Variants in TMEM222 observed in about 807,000 individuals in gnomAD.
TMEM222 encodes transmembrane protein 222.
A neutral mutation model predicts 25.1 loss-of-function variants in TMEM222; 18 were observed. The ratio of observed to expected loss-of-function variants is 0.72; its 90% CI spans 0.50 to 1.06. TMEM222 has a LOEUF of 1.06. Ranked by LOEUF, TMEM222 falls within the 50% of genes least tolerant of loss-of-function variation. TMEM222 has a pLI of 0.00. For synonymous variants in TMEM222, 131 were observed against 117.9 expected, an observed-to-expected ratio of 1.11 and a Z score of -0.72; for missense variants, 296 against 293.7, an observed-to-expected ratio of 1.01 and a Z score of -0.06.
At chr1:27,324,567 G>C (rs2014294028) in intron 1 of TMEM222, among the ~76,000 whole-genome samples, 1 of 152,222 alleles carries the variant, frequency 6.6e-6, no homozygotes, top group Non-Finnish European at 1.5e-5. Context: ...ATAAGACCAA[G>C]ATGAATAAGA....
rs936459253 is a variant in TMEM222 at position 27,335,385 on chromosome 1, G to A, written c.546G>A (p.Gly182=). ...CLLYGKYVSV[G]AFVKTWLPFI... ...GCTCCTTTCTCTCTGTCAGCGTTGG[G>A]GCCTTCGTGAAGACCTGGCTGCCCT... is the stretch of plus-strand genomic sequence containing the variant. The change falls in exon 6 of 6, where the codon GGG becomes GGA. Residue 182 remains glycine, a synonymous_variant. Coordinates refer to ENST00000374076, the MANE Select transcript of TMEM222 (RefSeq NM_032125.3). 2 of 1,614,074 alleles carry A rather than the reference G, an allele frequency of 1.2e-6. No individual in the cohort carries two copies. The highest frequency in any genetic ancestry group is 1.7e-6 in the Non-Finnish European group (2 of 1,180,040).
Position 27,335,741 on chromosome 1 carries a change from C to G in TMEM222, c.*275C>G, listed in dbSNP as rs1244014476. 5 of 515,224 alleles carry G rather than the reference C, an allele frequency of 9.7e-6. No individual in the cohort carries two copies. Among genetic ancestry groups the G allele is most frequent in the Non-Finnish European group, 1.8e-5 (5 of 284,724 alleles). 31.9% of individuals were successfully genotyped at this position (515,224 alleles called of 1,614,324 possible). ...TTCTTCTGTTGAAAGGCTTTGGCTT[C>G]CCGCTGTAGAGCTGCTCCCGCCACC... On this transcript the variant is annotated 3_prime_UTR_variant, in exon 6 of 6. Transcript: ENST00000374076.
rs2014220108 is a variant in TMEM222, at chr1:27,322,295, A to C, written c.98A>C (p.Asp33Ala). 1 of 1,563,722 alleles carries C rather than the reference A, an allele frequency of 6.4e-7. No homozygotes were observed. The highest frequency in any genetic ancestry group is 1.2e-5 in the South Asian group (1 of 85,254). The change falls in exon 1 of 6, where the codon GAC (aspartate) becomes GCC (alanine). Residue 33 changes from aspartate (D) to alanine (A), a missense_variant. Physicochemically the swap from Asp to Ala is moderately radical, Grantham distance 126. Coordinates refer to ENST00000374076, the MANE Select transcript of TMEM222 (RefSeq NM_032125.3). ...EVEAPTAAET[D>A]MKQYQGSGGV... Reference sequence around the variant, plus strand: ...GAGGCGCCGACGGCGGCCGAGACGGACATGAAGCAATATCAAGGCTCCGGC... The same window carrying C: ...GAGGCGCCGACGGCGGCCGAGACGGCCATGAAGCAATATCAAGGCTCCGGC...
Position 27,330,759 on chromosome 1 carries a change from A to G in TMEM222, c.234A>G (p.Thr78=). ...TCATCGGCCACATGGGCATCTGCAC[A>G]TCCACAGGAGTCATTCGGGACTTCG... is the stretch of plus-strand genomic sequence containing the variant. ...FPIIGHMGIC[T]STGVIRDFAG... The change falls in exon 2 of 6, where the codon ACA becomes ACG. Residue 78 remains threonine, a synonymous_variant. Coordinates refer to ENST00000374076, the MANE Select transcript of TMEM222 (RefSeq NM_032125.3). 2 of 1,614,098 alleles carry G rather than the reference A, an allele frequency of 1.2e-6. No individual in the cohort carries two copies. The highest frequency in any genetic ancestry group is 1.7e-6 in the Non-Finnish European group (2 of 1,180,004).
chr1:27,332,650 C>T (rs2148017852), intron 3 of TMEM222: 1 of 647,904 alleles, frequency 1.5e-6, no homozygotes, highest in Admixed American at 2.2e-5. Flanking sequence ...GTGAGAGTGC[C>T]TCAGTCATCA....
At chr1:27,325,683 G>T (rs575128096) in intron 1 of TMEM222, 4 of 833,350 alleles carry the variant, frequency 4.8e-6, no homozygotes, top group Admixed American at 3.4e-5. Context: ...CAAGTACTCT[G>T]TGTGGATCAG....
At chr1:27,333,393 T>C (rs1490450987) in intron 3 of TMEM222, 2 of 471,122 alleles carry the variant, frequency 4.2e-6, no homozygotes. Context: ...TCACACCCCA[T>C]CTTAGTCCGT....
intron 1 of TMEM222, among the ~76,000 whole-genome samples, chr1:27,324,185 GT>G (rs970676124): frequency 2.5e-4 from 38 of 152,116 alleles, no homozygotes; most frequent in Non-Finnish European, 4.0e-4. Context: ...ATTAGCCGGG[GT>G]GGTGGCACAT....
intron 1 of TMEM222, among the ~76,000 whole-genome samples, chr1:27,322,786 C>T (rs950364971): frequency 2.0e-5 from 3 of 152,164 alleles, no homozygotes; most frequent in African/African-American, 7.2e-5. Context: ...ACTGCTGGGT[C>T]TGGGAGCAAG....
intron 1 of TMEM222, among the ~76,000 whole-genome samples, chr1:27,326,890 G>A (rs2014364897): frequency 1.3e-5 from 2 of 152,062 alleles, no homozygotes; most frequent in Non-Finnish European, 2.9e-5. Context: ...AAACCACTTT[G>A]AGGGTTTCTT....
chr1:27,323,134 A>G (rs1399156069), intron 1 of TMEM222, among the ~76,000 whole-genome samples: 1 of 152,216 alleles, frequency 6.6e-6, no homozygotes, highest in Non-Finnish European at 1.5e-5. Flanking sequence ...CCATTTTATC[A>G]GAATTAAACA....
At chr1:27,333,662 A>C in intron 3 of TMEM222, 1 of 441,818 alleles carries the variant, frequency 2.3e-6, no homozygotes, top group South Asian at 2.1e-5. Context: ...CAAAGGCCCC[A>C]CCTCCTCATA....
chr1:27,329,604 C>T (rs866898465), intron 1 of TMEM222, among the ~76,000 whole-genome samples: 9 of 152,272 alleles, frequency 5.9e-5, no homozygotes, highest in South Asian at 4.1e-4. Flanking sequence ...ACTTATTCAT[C>T]GTACTGTTGT....
intron 3 of TMEM222, 84 bp from the exon 4 acceptor site, chr1:27,333,874 C>A: frequency 2.4e-6 from 3 of 1,276,126 alleles, no homozygotes; most frequent in African/African-American, 1.5e-5. Context: ...CAGGCCCGGG[C>A]ACAGGGCAGG....
At position 27,330,736 on chromosome 1, in the gene TMEM222, A is replaced by G. The variant is rs1232523641; in HGVS notation, c.211A>G (p.Ile71Val). ...IPVLTWFFPI[I>V]GHMGICTSTG... Reference sequence around the variant, plus strand: ...TCCTCACAGGTGGTTTTTCCCCATCATCGGCCACATGGGCATCTGCACATC... The same window carrying G: ...TCCTCACAGGTGGTTTTTCCCCATCGTCGGCCACATGGGCATCTGCACATC... Residue 71 changes from isoleucine to valine, a missense_variant, in exon 2 of 6, where the codon ATC becomes GTC. Ile to Val is a conservative substitution (Grantham distance 29). Transcript: ENST00000374076. 1.2e-6 allele frequency: 2 copies of G among 1,614,116 alleles called. No homozygotes were observed. The highest frequency in any genetic ancestry group is 1.7e-5 in the Admixed American group (1 of 60,030).
At chr1:27,332,295 G>T in intron 3 of TMEM222, 194 bp downstream of exon 3, 1 of 707,636 alleles carries the variant, frequency 1.4e-6, no homozygotes, top group Non-Finnish European at 2.6e-6. Context: ...CCTGGCTAGG[G>T]CCTTTACCTG....
chr1:27,333,389 C>T, intron 3 of TMEM222: 1 of 471,144 alleles, frequency 2.1e-6, no homozygotes, highest in South Asian at 1.5e-5. Context: ...CTTCTCACAC[C>T]CCATCTTAGT....
chr1:27,330,700 C>T lies in TMEM222; in HGVS notation c.195-20C>T, dbSNP rs767218418. On this transcript the variant is annotated intron_variant, in intron 1 of 5. Transcript: ENST00000374076. ...AAAGATCCCCTAAGCTCTGTCCCTTCCCCGTCCTTTTCCTCACAGGTGGTT... is the reference window on the plus strand; with the variant it reads ...AAAGATCCCCTAAGCTCTGTCCCTTTCCCGTCCTTTTCCTCACAGGTGGTT... 2 of 1,609,684 alleles carry T rather than the reference C, an allele frequency of 1.2e-6. No homozygotes were observed. The highest frequency in any genetic ancestry group is 3.3e-5 in the Admixed American group (2 of 60,020).
chr1:27,333,893 G>A, intron 3 of TMEM222, 65 bp from the exon 4 acceptor site: 2 of 1,451,540 alleles, frequency 1.4e-6, no homozygotes, highest in East Asian at 2.4e-5. Context: ...GGCCTCAGAG[G>A]ACGTGCGTAG....
Sources: allele counts gnomAD v4.1 joint callset (sites outside exome capture counted in the v4.1 genomes callset), GRCh38; gene constraint gnomAD v4.1.1; transcripts MANE v1.5; gene names NCBI Gene and HGNC (gene_info 2026-07-23, HGNC 2026-07-21).